ATP8A2: variants seen among roughly 807,000 people sequenced by gnomAD.
ATP8A2 encodes the protein phospholipid-transporting ATPase IB.
In ATP8A2, 100 loss-of-function variants were observed where a neutral mutation model predicts 165.6. That is an observed-to-expected ratio of 0.60 (90% CI 0.51 to 0.71). ATP8A2 has a LOEUF of 0.71. Ranked by LOEUF, ATP8A2 falls within the 30% of genes least tolerant of loss-of-function variation. ATP8A2 has a pLI of 0.00. For missense variants in ATP8A2, 1,227 were observed against 1,479.5 expected (o/e 0.83, Z 2.80); for synonymous variants, 543 against 548.8 (o/e 0.99, Z 0.15).
chr13:25,696,061 T>C (rs1317046925), intron 24 of ATP8A2, among the ~76,000 whole-genome samples: 1 of 152,216 alleles, frequency 6.6e-6, no homozygotes, highest in East Asian at 1.9e-4. Flanking sequence ...AGAATGGATA[T>C]TAGATAAACA....
intron 2 of ATP8A2, among the ~76,000 whole-genome samples, chr13:25,526,444 T>C (rs1038828251): frequency 1.3e-5 from 2 of 152,212 alleles, no homozygotes; most frequent in African/African-American, 2.4e-5. Context: ...TTTCATTGGA[T>C]ATATTTGCTT....
chr13:25,414,848 C>G (rs946154589), intron 1 of ATP8A2, among the ~76,000 whole-genome samples: 1 of 152,166 alleles, frequency 6.6e-6, no homozygotes, highest in African/African-American at 2.4e-5. Context: ...ATTTTCCCTT[C>G]TTTTGTGCTC....
intron 27 of ATP8A2, among the ~76,000 whole-genome samples, chr13:25,826,476 A>G (rs1253052541): frequency 6.6e-6 from 1 of 152,202 alleles, no homozygotes; most frequent in African/African-American, 2.4e-5. Context: ...TACTGGATAC[A>G]GTAGTGCACA....
chr13:25,932,405 C>T (rs2139074903), intron 33 of ATP8A2, among the ~76,000 whole-genome samples: 1 of 152,260 alleles, frequency 6.6e-6, no homozygotes, highest in Middle Eastern at 3.4e-3. Context: ...AACCATTGCC[C>T]CCTCCCCACA....
intron 33 of ATP8A2, among the ~76,000 whole-genome samples, chr13:25,907,136 A>G (rs1364748921): frequency 6.6e-6 from 1 of 152,188 alleles, no homozygotes; most frequent in Non-Finnish European, 1.5e-5. Context: ...AGGCTGAGGC[A>G]GGAGAATCAC....
intron 24 of ATP8A2, among the ~76,000 whole-genome samples, chr13:25,644,793 T>C (rs2041627303): frequency 3.9e-5 from 6 of 152,192 alleles, no homozygotes; most frequent in Admixed American, 3.3e-4. Context: ...GTTGTATATA[T>C]GTAGAAATTT....
chr13:25,967,734 A>G (rs1955812545), intron 34 of ATP8A2, among the ~76,000 whole-genome samples: 1 of 152,116 alleles, frequency 6.6e-6, no homozygotes, highest in African/African-American at 2.4e-5. Flanking sequence ...ACTGTTTCCA[A>G]CTAGTAGCTA....
intron 33 of ATP8A2, among the ~76,000 whole-genome samples, chr13:25,944,126 G>C (rs1593601523): frequency 6.6e-6 from 1 of 152,244 alleles, no homozygotes; most frequent in East Asian, 1.9e-4. Flanking sequence ...TGATTAAAAT[G>C]AAAGTTATTT....
intron 1 of ATP8A2, among the ~76,000 whole-genome samples, chr13:25,439,325 G>T (rs2034866750): frequency 6.6e-6 from 1 of 152,074 alleles, no homozygotes; most frequent in African/African-American, 2.4e-5. Context: ...AAATGCTTCA[G>T]GGTCAAAAAA....
chr13:25,491,252 C>A (rs2036520404), intron 2 of ATP8A2, among the ~76,000 whole-genome samples: 1 of 152,034 alleles, frequency 6.6e-6, no homozygotes, highest in African/African-American at 2.4e-5. Flanking sequence ...GTCTCCAGTG[C>A]CCACAACCAA....
intron 2 of ATP8A2, among the ~76,000 whole-genome samples, chr13:25,513,406 C>T (rs188085230): frequency 4.2e-5 from 6 of 142,984 alleles, no homozygotes; most frequent in Non-Finnish European, 8.0e-5. Flanking sequence ...GGATGGCGGC[C>T]GGGAAGAGGC....
chr13:25,530,766 C>A (rs2137906243), intron 4 of ATP8A2, 106 bp downstream of exon 4: 2 of 703,160 alleles, frequency 2.8e-6, no homozygotes, highest in Non-Finnish European at 4.9e-6. Flanking sequence ...TATAGCTTAA[C>A]CAGCCTCTTT....
chr13:25,412,826 T>G (rs1393693235), intron 1 of ATP8A2, among the ~76,000 whole-genome samples: 1 of 152,156 alleles, frequency 6.6e-6, no homozygotes, highest in Middle Eastern at 3.4e-3. Flanking sequence ...AATGGATCAA[T>G]TTTTTTTGGG....
chr13:25,961,703 A>ATC, intron 34 of ATP8A2, 40 bp downstream of exon 34: 1 of 1,448,664 alleles, frequency 6.9e-7, no homozygotes, highest in Non-Finnish European at 9.7e-7. Flanking sequence ...AGTCTGGCTC[A>ATC]TCTGTCCCTG....
At chr13:25,771,279 T>G (rs2044613896) in intron 26 of ATP8A2, among the ~76,000 whole-genome samples, 1 of 152,164 alleles carries the variant, frequency 6.6e-6, no homozygotes, top group Non-Finnish European at 1.5e-5. Flanking sequence ...AGTGTGAACT[T>G]GGGGGCCGGC....
Position 25,839,702 on chromosome 13 carries a change from T to C in ATP8A2, c.2956+78T>C, listed in dbSNP as rs76780439. Reference sequence around the variant, plus strand: ...TGCCTGTGTGTTCACAATTTTTTTTTCCAGTTCTGCAGAACAAGAGATCAC... The same window carrying C: ...TGCCTGTGTGTTCACAATTTTTTTTCCCAGTTCTGCAGAACAAGAGATCAC... On this transcript the variant is annotated intron_variant, in intron 30 of 36. Transcript: ENST00000381655. The C allele has an allele frequency of 4.1e-6, 5 of 1,216,446 alleles. No individual in the cohort carries two copies. In the African/African-American group the frequency reaches 6.0e-5, roughly 15 times the overall value. The allele number at this position is 1,216,446 out of a possible 1,614,324, so 75.4% of individuals were successfully genotyped here. A position where few individuals can be genotyped will look rare whatever the true frequency, so the allele number is the denominator to read the frequency against.
intron 33 of ATP8A2, among the ~76,000 whole-genome samples, chr13:25,924,262 G>A (rs1413367935): frequency 6.6e-6 from 1 of 152,150 alleles, no homozygotes; most frequent in Admixed American, 6.5e-5. Context: ...GCCACAGACC[G>A]GGCTGCTTTA....
At chr13:25,511,664 AT>A (rs139798363) in intron 2 of ATP8A2, among the ~76,000 whole-genome samples, 9,008 of 151,946 alleles carry the variant, frequency 0.059, 340 homozygotes, top group South Asian at 0.13. Flanking sequence ...TTTCATCTTC[AT>A]TTTTTTTCTT....
At chr13:25,521,704 G>A (rs2037677844) in intron 2 of ATP8A2, among the ~76,000 whole-genome samples, 1 of 151,992 alleles carries the variant, frequency 6.6e-6, no homozygotes, top group South Asian at 2.1e-4. Context: ...TTATATCTGG[G>A]TTCTCTCTAT....
Sources: allele counts gnomAD v4.1 joint callset (sites outside exome capture counted in the v4.1 genomes callset), GRCh38; gene constraint gnomAD v4.1.1; transcripts MANE v1.5; gene names NCBI Gene and HGNC (gene_info 2026-07-23, HGNC 2026-07-21).